Variants in GRIA1 observed in about 807,000 individuals in gnomAD.
The protein encoded by GRIA1 is glutamate ionotropic receptor AMPA type subunit 1.
In GRIA1, 31 loss-of-function variants were observed where a neutral mutation model predicts 99.2. That is an observed-to-expected ratio of 0.31 (90% CI 0.23 to 0.42). The LOEUF is 0.42. GRIA1 is among the 10% of genes least tolerant of loss of function. The probability of loss-of-function intolerance (pLI) is 1.00; values close to 1 mark genes in which losing one functional copy is unlikely to be tolerated. For missense variants in GRIA1, 782 were observed against 1,157.5 expected (o/e 0.68, Z 4.71); for synonymous variants, 438 against 432.4 (o/e 1.01, Z -0.16).
At chr5:153,644,658 T>C (rs762059445) in intron 2 of GRIA1, among the ~76,000 whole-genome samples, 6 of 151,912 alleles carry the variant, frequency 3.9e-5, no homozygotes, top group Non-Finnish European at 8.8e-5. Flanking sequence ...GAATGGGAAA[T>C]AAGACAGAGT....
chr5:153,632,521 G>T (rs1753052332), intron 2 of GRIA1, among the ~76,000 whole-genome samples: 1 of 152,188 alleles, frequency 6.6e-6, no homozygotes, highest in Non-Finnish European at 1.5e-5. Context: ...ATCTAGAAAA[G>T]GACAATAATA....
At chr5:153,528,887 T>G (rs575403337) in intron 2 of GRIA1, among the ~76,000 whole-genome samples, 7 of 152,290 alleles carry the variant, frequency 4.6e-5, no homozygotes, top group African/African-American at 1.7e-4. Flanking sequence ...CCACTTGCTT[T>G]GAATCATGCC....
At chr5:153,581,754 CTTTT>C (rs10710677) in intron 2 of GRIA1, among the ~76,000 whole-genome samples, 4 of 139,520 alleles carry the variant, frequency 2.9e-5, no homozygotes, top group Admixed American at 7.2e-5. Flanking sequence ...TTTCTTTTCT[CTTTT>C]TTTTTTTTTT....
chr5:153,574,397 G>A (rs1167612648), intron 2 of GRIA1: 1 of 152,048 alleles, frequency 6.6e-6, no homozygotes, highest in Non-Finnish European at 1.5e-5. Context: ...TATAGGTAAG[G>A]GTTTTTTGTT....
At position 153,516,154 on chromosome 5, in the gene GRIA1, A is replaced by T. The variant is rs1463020803; in HGVS notation, c.220+22089A>T. Among the ~76,000 whole-genome samples the T allele has an allele frequency of 2.0e-5, 3 of 152,280 alleles. No individual in the cohort carries two copies. In the East Asian group the frequency reaches 5.8e-4, roughly 29 times the overall value. On this transcript the variant is annotated intron_variant, in intron 2 of 15. Coordinates refer to ENST00000285900, the MANE Select transcript of GRIA1 (RefSeq NM_000827.4). Reference sequence around the variant, plus strand: ...AGAATCACTTGAACCTGGGAGGCAGAGATTTCAGTGAGCCAAGATCACACC... The same window carrying T: ...AGAATCACTTGAACCTGGGAGGCAGTGATTTCAGTGAGCCAAGATCACACC...
intron 8 of GRIA1, among the ~76,000 whole-genome samples, chr5:153,697,379 G>A (rs1383138019): frequency 6.6e-6 from 1 of 152,142 alleles, no homozygotes; most frequent in South Asian, 2.1e-4. Flanking sequence ...GTGCACAATA[G>A]CAGTTCAATT....
chr5:153,654,393 G>A (rs1754786425), intron 4 of GRIA1, among the ~76,000 whole-genome samples: 1 of 152,102 alleles, frequency 6.6e-6, no homozygotes, highest in Non-Finnish European at 1.5e-5. Context: ...CCTGAATGTG[G>A]TTGGTTTTAA....
chr5:153,582,947 G>A (rs116716989), intron 2 of GRIA1, among the ~76,000 whole-genome samples: 1 of 152,002 alleles, frequency 6.6e-6, no homozygotes, highest in Non-Finnish European at 1.5e-5. Context: ...CAGGGGGTGT[G>A]CCACCATGCC....
chr5:153,599,994 C>T (rs12658202), intron 2 of GRIA1, among the ~76,000 whole-genome samples: 2 of 151,760 alleles, frequency 1.3e-5, no homozygotes, highest in South Asian at 2.1e-4. Flanking sequence ...AGATGAAGCC[C>T]GCTAGATAAG....
rs1304889434 is a variant in GRIA1, at chr5:153,785,578, A to G, written c.2271-9043A>G. On this transcript the variant is annotated intron_variant, in intron 13 of 15. Coordinates refer to ENST00000285900, the MANE Select transcript of GRIA1 (RefSeq NM_000827.4). ...TTAATGAAGGAAACAATTACAAACA[A>G]AGGTCTGTCCTTTAAATGGAAAAGT... is the stretch of plus-strand genomic sequence containing the variant. Among the ~76,000 whole-genome samples the G allele has an allele frequency of 3.3e-5, 5 of 152,258 alleles. No homozygotes were observed. The South Asian group carries it at 1.0e-3, about 32-fold the overall frequency.
In GRIA1 at chr5:153,517,847, G is replaced by A. The variant is rs10060095; in HGVS notation, c.220+23782G>A. On this transcript the variant is annotated intron_variant, in intron 2 of 15. Coordinates refer to ENST00000285900, the MANE Select transcript of GRIA1 (RefSeq NM_000827.4). The stretch of plus-strand genomic sequence containing the variant: ...TGGAGGCTAAAGTGACTTTTTAAAC[G>A]TATTGAGCTGAACATTCCATTCCTC... Among the ~76,000 whole-genome samples the A allele has an allele frequency of 4.1e-4, 63 of 152,168 alleles. 1 individual carries two copies. The highest frequency in any genetic ancestry group is 2.1e-3 in the South Asian group (10 of 4,822).
chr5:153,569,646 T>C (rs1394150826), intron 2 of GRIA1, among the ~76,000 whole-genome samples: 1 of 152,258 alleles, frequency 6.6e-6, no homozygotes, highest in Admixed American at 6.5e-5. Flanking sequence ...TACTTCTTTC[T>C]TAAGGTTGTT....
intron 2 of GRIA1, among the ~76,000 whole-genome samples, chr5:153,608,646 C>A (rs1765666231): frequency 6.6e-6 from 1 of 152,154 alleles, no homozygotes; most frequent in Non-Finnish European, 1.5e-5. Flanking sequence ...TTCATTTAAT[C>A]TCCTGGGAGA....
intron 5 of GRIA1, 124 bp from the exon 6 acceptor site, chr5:153,674,376 C>T (rs968281856): frequency 1.1e-5 from 11 of 1,031,950 alleles, no homozygotes; most frequent in East Asian, 9.6e-5. Flanking sequence ...GGAGGCCTAA[C>T]TGTCTCTCCA....
intron 10 of GRIA1, among the ~76,000 whole-genome samples, chr5:153,699,338 A>T (rs770491527): frequency 4.6e-5 from 7 of 152,188 alleles, no homozygotes; most frequent in South Asian, 4.1e-4. Flanking sequence ...TAGCTCCAAG[A>T]TCAATTTTCT....
At chr5:153,725,287 A>G (rs1450240512) in intron 11 of GRIA1, among the ~76,000 whole-genome samples, 3 of 151,866 alleles carry the variant, frequency 2.0e-5, no homozygotes, top group Non-Finnish European at 4.4e-5. Context: ...CAGCCACTGC[A>G]AAATCATGCC....
At chr5:153,762,362 T>G (rs1214541960) in intron 11 of GRIA1, among the ~76,000 whole-genome samples, 1 of 152,130 alleles carries the variant, frequency 6.6e-6, no homozygotes, top group Non-Finnish European at 1.5e-5. Flanking sequence ...GCCATTGTGG[T>G]CATCCAGAGT....
intron 2 of GRIA1, among the ~76,000 whole-genome samples, chr5:153,528,678 C>T (rs909244985): frequency 2.6e-5 from 4 of 152,204 alleles, no homozygotes; most frequent in East Asian, 1.9e-4. Flanking sequence ...TGGTTCCTGA[C>T]TGTTGTTGGC....
chr5:153,535,599 G>T (rs1387183508), intron 2 of GRIA1, among the ~76,000 whole-genome samples: 1 of 152,230 alleles, frequency 6.6e-6, no homozygotes, highest in Non-Finnish European at 1.5e-5. Context: ...AATGTGAACA[G>T]TTTTTATCTT....
Sources: allele counts gnomAD v4.1 joint callset (sites outside exome capture counted in the v4.1 genomes callset), GRCh38; gene constraint gnomAD v4.1.1; transcripts MANE v1.5; gene names NCBI Gene and HGNC (gene_info 2026-07-23, HGNC 2026-07-21).